The following GABRA3 variants were observed in gnomAD, a reference collection of about 807,000 sequenced individuals.
GABRA3 encodes the protein gamma-aminobutyric acid receptor subunit alpha-3.
GABRA3 carries 10 observed loss-of-function variants against 30.1 expected under a neutral mutation model. That is an observed-to-expected ratio of 0.33 (90% CI 0.20 to 0.56). GABRA3 has a LOEUF of 0.56. Among genes scored for constraint, GABRA3 ranks in the 20% least tolerant of loss-of-function variants. The pLI is 0.89. For missense variants in GABRA3, 233 were observed against 392.0 expected (o/e 0.59, Z 3.42); for synonymous variants, 151 against 146.8 (o/e 1.03, Z -0.21).
intron 4 of GABRA3, among the ~76,000 whole-genome samples, chrX:152,260,192 T>A (rs1938706464): frequency 9.0e-6 from 1 of 110,697 alleles, no homozygotes; most frequent in African/African-American, 3.3e-5. Context: ...CTGCATGCTG[T>A]GGTTTAAGAG....
At chrX:152,414,224 G>A (rs759727490) in intron 1 of GABRA3, among the ~76,000 whole-genome samples, 2 of 110,473 alleles carry the variant, frequency 1.8e-5, no homozygotes, top group African/African-American at 3.3e-5. Flanking sequence ...TGGACACAAC[G>A]CAAAAATATT....
At chrX:152,377,375 T>C (rs535207615) in intron 1 of GABRA3, among the ~76,000 whole-genome samples, 1 of 111,097 alleles carries the variant, frequency 9.0e-6, no homozygotes, top group Non-Finnish European at 1.9e-5. Flanking sequence ...TTAATGTAAA[T>C]TAACACAGCA....
chrX:152,202,289 A>T (rs1569354676), intron 7 of GABRA3, among the ~76,000 whole-genome samples: 1 of 111,877 alleles, frequency 8.9e-6, no homozygotes, highest in Non-Finnish European at 1.9e-5. Context: ...TGAAGAATTT[A>T]GAAAGGAATG....
intron 1 of GABRA3, among the ~76,000 whole-genome samples, chrX:152,382,353 T>C (rs1169211697): frequency 8.9e-6 from 1 of 111,999 alleles, no homozygotes; most frequent in Admixed American, 9.4e-5. Flanking sequence ...AGTTCAACCA[T>C]TGTGGAAGAC....
At chrX:152,299,410 C>T (rs1939591412) in intron 3 of GABRA3, among the ~76,000 whole-genome samples, 1 of 109,531 alleles carries the variant, frequency 9.1e-6, no homozygotes, top group East Asian at 2.9e-4. Flanking sequence ...GTGTTTGGGG[C>T]TGCAGCCCTG....
intron 1 of GABRA3, among the ~76,000 whole-genome samples, chrX:152,425,107 T>A (rs1930485933): frequency 1.0e-5 from 1 of 98,835 alleles, no homozygotes; most frequent in Non-Finnish European, 2.1e-5. Context: ...TCAGCTAAGG[T>A]TTTTTTTTTT....
At chrX:152,192,536 T>C (rs2124349531) in intron 8 of GABRA3, among the ~76,000 whole-genome samples, 1 of 111,259 alleles carries the variant, frequency 9.0e-6, no homozygotes. Context: ...ATATTATTAT[T>C]ATTATTAATG....
intron 8 of GABRA3, among the ~76,000 whole-genome samples, chrX:152,196,312 G>A (rs1484094595): frequency 9.6e-6 from 1 of 104,523 alleles, no homozygotes; most frequent in Non-Finnish European, 1.9e-5. Context: ...CAGGAGAATC[G>A]CTTGAACCTG....
intron 4 of GABRA3, among the ~76,000 whole-genome samples, chrX:152,257,815 G>A (rs762616943): frequency 2.0e-4 from 22 of 112,231 alleles, no homozygotes; most frequent in Non-Finnish European, 3.0e-4. Context: ...GAGTTGAGGA[G>A]AAAGTGTTTC....
chrX:152,411,094 G>A (rs961864705), intron 1 of GABRA3, among the ~76,000 whole-genome samples: 1 of 111,769 alleles, frequency 8.9e-6, no homozygotes, highest in Non-Finnish European at 1.9e-5. Context: ...AAGATCGCTT[G>A]CAACCAGGAG....
At chrX:152,315,252 C>G (rs1254267474) in intron 3 of GABRA3, among the ~76,000 whole-genome samples, 1 of 111,211 alleles carries the variant, frequency 9.0e-6, no homozygotes, top group African/African-American at 3.3e-5. Context: ...ACCTGAAGGT[C>G]CAGATCATGG....
chrX:152,295,449 C>T (rs1939509739), intron 3 of GABRA3, among the ~76,000 whole-genome samples: 1 of 113,024 alleles, frequency 8.8e-6, no homozygotes, highest in Non-Finnish European at 1.9e-5. Context: ...AGGTCAATCT[C>T]AGACTGCTGC....
chrX:152,412,326 A>G (rs1041467951), intron 1 of GABRA3, among the ~76,000 whole-genome samples: 20 of 111,695 alleles, frequency 1.8e-4, no homozygotes, highest in African/African-American at 5.8e-4. Context: ...CTGGGTATAT[A>G]CCCAAAAAAG....
intron 4 of GABRA3, among the ~76,000 whole-genome samples, chrX:152,266,764 AT>A (rs1938832754): frequency 9.0e-6 from 1 of 110,713 alleles, no homozygotes; most frequent in African/African-American, 3.3e-5. Context: ...AAAAAAAAAT[AT>A]TTTTTTATTT....
At chrX:152,293,638 A>C (rs1009997162) in intron 3 of GABRA3, among the ~76,000 whole-genome samples, 4 of 111,810 alleles carry the variant, frequency 3.6e-5, no homozygotes, top group Non-Finnish European at 5.6e-5. Flanking sequence ...GTTAACAAAC[A>C]ATAGTTTGTG....
At chrX:152,199,345 A>C (rs548425364) in intron 7 of GABRA3, among the ~76,000 whole-genome samples, 1 of 105,025 alleles carries the variant, frequency 9.5e-6, no homozygotes, top group Non-Finnish European at 2.0e-5. Context: ...CAGCCTGGGC[A>C]ACAGGCGAGA....
At chrX:152,441,206 CT>C (rs1292821813) in intron 1 of GABRA3, among the ~76,000 whole-genome samples, 1 of 110,840 alleles carries the variant, frequency 9.0e-6, no homozygotes. Flanking sequence ...AAACTGTACA[CT>C]TACAAAGGGT....
Position 152,230,434 on chromosome X carries a change from G to A in GABRA3, c.552-5589C>T, listed in dbSNP as rs1406671530. On this transcript the variant is annotated intron_variant, in intron 5 of 9. Transcript: ENST00000370314. ...ATTGCTCTATATATTCAACACATGCGCTTTCAAAATCCCAGATTTTCTTTT... is the reference window on the plus strand; with the variant it reads ...ATTGCTCTATATATTCAACACATGCACTTTCAAAATCCCAGATTTTCTTTT... 5.4e-5 allele frequency among the ~76,000 whole-genome samples: 6 copies of A among 110,686 alleles called. No homozygotes were observed. In the East Asian group the frequency reaches 1.4e-3, roughly 26 times the overall value.
intron 1 of GABRA3, among the ~76,000 whole-genome samples, chrX:152,383,388 C>CAA (rs34736587): frequency 1.0e-3 from 37 of 35,410 alleles, no homozygotes; most frequent in African/African-American, 2.4e-3. Flanking sequence ...GACTCCATCT[C>CAA]AAAAAAAAAA....
Sources: allele counts gnomAD v4.1 joint callset (sites outside exome capture counted in the v4.1 genomes callset), GRCh38; gene constraint gnomAD v4.1.1; transcripts MANE v1.5; gene names NCBI Gene and HGNC (gene_info 2026-07-23, HGNC 2026-07-21).